Variants in PTPRB observed in about 807,000 individuals in gnomAD.
The protein encoded by PTPRB is receptor-type tyrosine-protein phosphatase beta.
In PTPRB, 97 loss-of-function variants were observed where a neutral mutation model predicts 238.1. The ratio of observed to expected loss-of-function variants is 0.41; its 90% CI spans 0.35 to 0.48. PTPRB has a LOEUF of 0.48. Ranked by LOEUF, PTPRB falls within the 20% of genes least tolerant of loss-of-function variation. The probability of loss-of-function intolerance (pLI) is 0.30; values close to 1 mark genes in which losing one functional copy is unlikely to be tolerated. For synonymous variants in PTPRB, 970 were observed against 995.4 expected, an observed-to-expected ratio of 0.97 and a Z score of 0.48; for missense variants, 2,292 against 2,681.9, an observed-to-expected ratio of 0.85 and a Z score of 3.21.
intron 18 of PTPRB, chr12:70,558,879 T>A (rs1245654796): frequency 1.1e-5 from 2 of 178,768 alleles, no homozygotes; most frequent in Non-Finnish European, 2.4e-5. Flanking sequence ...GTTCCCCTAT[T>A]GGTAGATCTT....
chr12:70,584,850 A>G (rs182891073), intron 9 of PTPRB: 5 of 152,302 alleles, frequency 3.3e-5, no homozygotes, highest in Admixed American at 3.3e-4. Context: ...ATTGGTAGGT[A>G]AATCTAAACA....
At chr12:70,526,973 A>G (rs191279554) in intron 32 of PTPRB, among the ~76,000 whole-genome samples, 13 of 152,328 alleles carry the variant, frequency 8.5e-5, no homozygotes, top group Middle Eastern at 3.4e-3. Flanking sequence ...AATGATTACT[A>G]CTAAAACGGT....
intron 2 of PTPRB, among the ~76,000 whole-genome samples, chr12:70,628,862 G>C (rs1438403560): frequency 6.6e-6 from 1 of 152,086 alleles, no homozygotes; most frequent in African/African-American, 2.4e-5. Flanking sequence ...ACTGTGCCTG[G>C]TCAACTGTAA....
Position 70,596,190 on chromosome 12 carries a change from G to C in PTPRB, c.1117C>G (p.Gln373Glu), listed in dbSNP as rs771286670. 6.2e-7 allele frequency: 1 copy of C among 1,613,632 alleles called. No individual in the cohort carries two copies. Among genetic ancestry groups the C allele is most frequent in the East Asian group, 2.2e-5 (1 of 44,848 alleles). ...GTACTTTCTTGAATTTGAACCCCCTGTATCTTTTGGTTATTTTCATCAAAT... is the reference window on the plus strand; with the variant it reads ...GTACTTTCTTGAATTTGAACCCCCTCTATCTTTTGGTTATTTTCATCAAAT... ...QLFDENNQKI[Q>E]GVQIQESTSW... Residue 373 changes from glutamine to glutamate, a missense_variant, in exon 5 of 34, where the codon CAG becomes GAG. By Grantham distance (29) the Gln-to-Glu change is conservative. Coordinates refer to ENST00000334414, the MANE Select transcript of PTPRB (RefSeq NM_001109754.4).
At chr12:70,600,341 G>A (rs530344821) in intron 4 of PTPRB, among the ~76,000 whole-genome samples, 1 of 152,190 alleles carries the variant, frequency 6.6e-6, no homozygotes, top group African/African-American at 2.4e-5. Context: ...AGGTAGTAAA[G>A]TTGAGCTTCC....
chr12:70,519,505 G>A lies in PTPRB; in HGVS notation c.*1984C>T, dbSNP rs1871450525. 1 of 151,410 alleles carries A rather than the reference G, an allele frequency of 6.6e-6. No individual in the cohort carries two copies. Among genetic ancestry groups the A allele is most frequent in the South Asian group, 2.1e-4 (1 of 4,784 alleles). 9.4% of individuals were successfully genotyped at this position (151,410 alleles called of 1,614,324 possible). ...TAGATTCTGGAACAGTGCCTAGCAG[G>A]TTGCAGATACTTACTAGAAGTTTTC... On this transcript the variant is annotated 3_prime_UTR_variant, in exon 34 of 34. Transcript: ENST00000334414.
At chr12:70,582,279 A>G (rs1462108976) in intron 9 of PTPRB, among the ~76,000 whole-genome samples, 1 of 152,170 alleles carries the variant, frequency 6.6e-6, no homozygotes, top group Non-Finnish European at 1.5e-5. Context: ...TTCATTAAAA[A>G]AATCCTACTG....
chr12:70,543,586 G>A (rs1401370170), intron 22 of PTPRB, among the ~76,000 whole-genome samples: 2 of 152,154 alleles, frequency 1.3e-5, no homozygotes, highest in Non-Finnish European at 2.9e-5. Context: ...ATGTTTGTGA[G>A]GCTGAGTCAT....
intron 3 of PTPRB, among the ~76,000 whole-genome samples, chr12:70,619,569 T>C (rs1884836544): frequency 6.6e-6 from 1 of 152,124 alleles, no homozygotes; most frequent in African/African-American, 2.4e-5. Context: ...CTTTGACTTC[T>C]GGTGAGGCTG....
At chr12:70,610,061 C>T (rs1439890276) in intron 3 of PTPRB, among the ~76,000 whole-genome samples, 1 of 152,118 alleles carries the variant, frequency 6.6e-6, no homozygotes, top group East Asian at 1.9e-4. Context: ...TCCCACGCTG[C>T]CATTCTGACC....
chr12:70,532,422 T>TATC (rs1300585006), intron 31 of PTPRB, among the ~76,000 whole-genome samples: 2 of 151,382 alleles, frequency 1.3e-5, no homozygotes, highest in African/African-American at 4.8e-5. Context: ...ACTTACTGTG[T>TATC]ATCATTTCCA....
intron 2 of PTPRB, among the ~76,000 whole-genome samples, chr12:70,623,737 A>T (rs1885051429): frequency 6.6e-6 from 1 of 152,112 alleles, no homozygotes; most frequent in Non-Finnish European, 1.5e-5. Context: ...TTAACTACTC[A>T]TTTACTGGTT....
intron 6 of PTPRB, 130 bp downstream of exon 6, chr12:70,594,335 GAT>G: frequency 8.3e-7 from 1 of 1,208,826 alleles, no homozygotes; most frequent in Non-Finnish European, 1.1e-6. Flanking sequence ...TAGAAAAGTG[GAT>G]ATGGGTCTTC....
intron 4 of PTPRB, among the ~76,000 whole-genome samples, chr12:70,598,050 AAC>A (rs1308886619): frequency 2.0e-5 from 3 of 152,332 alleles, no homozygotes; most frequent in African/African-American, 7.2e-5. Context: ...GACAAAAATT[AAC>A]AGAGTGCCCG....
At position 70,560,870 on chromosome 12, in the gene PTPRB, G is replaced by A. The variant is rs1441466855; in HGVS notation, c.4233C>T (p.Asn1411=). 6.2e-7 allele frequency: 1 copy of A among 1,613,820 alleles called. No individual in the cohort carries two copies. The highest frequency in any genetic ancestry group is 8.5e-7 in the Non-Finnish European group (1 of 1,179,752). The change falls in exon 17 of 34, where the codon AAC becomes AAT. Residue 1411 remains asparagine (N), a synonymous_variant. Coordinates refer to ENST00000334414, the MANE Select transcript of PTPRB (RefSeq NM_001109754.4). The surrounding 1 kb of genome is among the most constrained non-coding windows in gnomAD (Gnocchi z 4.2). ...NRNTTDSLWF[N]WSPASGDFDF... Reference sequence around the variant, plus strand: ...CAAAGTCCCCAGAGGCTGGACTCCAGTTGAACCAAAGGCTGTCTGTCGTGT... The same window carrying A: ...CAAAGTCCCCAGAGGCTGGACTCCAATTGAACCAAAGGCTGTCTGTCGTGT...
chr12:70,575,267 T>C (rs916691219), intron 11 of PTPRB, among the ~76,000 whole-genome samples: 2 of 152,134 alleles, frequency 1.3e-5, no homozygotes, highest in African/African-American at 2.4e-5. Context: ...TATATCCAAA[T>C]GAGGAAACAG....
intron 15 of PTPRB, among the ~76,000 whole-genome samples, chr12:70,565,969 G>A (rs1201468138): frequency 2.0e-5 from 3 of 152,106 alleles, no homozygotes; most frequent in Non-Finnish European, 4.4e-5. Flanking sequence ...TGCAGAGATT[G>A]GAGCAATGTC....
intron 10 of PTPRB, 124 bp downstream of exon 10, chr12:70,580,912 G>T: frequency 8.8e-7 from 1 of 1,134,298 alleles, no homozygotes. Context: ...TAGCTTTTGT[G>T]AAACTTAGCT....
chr12:70,613,838 A>T (rs1278440353), intron 3 of PTPRB, among the ~76,000 whole-genome samples: 2 of 152,152 alleles, frequency 1.3e-5, no homozygotes, highest in African/African-American at 4.8e-5. Flanking sequence ...AAGTCCTTCT[A>T]AACATGGTCC....
Sources: gnomAD v4.1 joint callset for allele counts (sites outside exome capture counted in the v4.1 genomes callset) on GRCh38, gnomAD v4.1.1 for gene constraint, Gnocchi (gnomAD v3.1) non-coding constraint, MANE v1.5 for transcripts, NCBI Gene and HGNC (gene_info 2026-07-23, HGNC 2026-07-21) for gene names.